PUM1: variants seen among roughly 807,000 people sequenced by gnomAD.
PUM1 encodes the protein pumilio RNA binding family member 1.
In PUM1, 13 loss-of-function variants were observed where a neutral mutation model predicts 131.8. The ratio of observed to expected loss-of-function variants is 0.10; its 90% confidence interval spans 0.06 to 0.16. The LOEUF is 0.16. PUM1 is among the 10% of genes least tolerant of loss of function. PUM1 has a pLI of 1.00. For synonymous variants in PUM1, 509 were observed against 556.5 expected (o/e 0.91, Z 1.20); for missense variants, 961 against 1,512.4 (o/e 0.64, Z 6.05).
intron 9 of PUM1, among the ~76,000 whole-genome samples, chr1:30,975,799 C>A (rs1192246124): frequency 1.3e-5 from 2 of 151,928 alleles, no homozygotes; most frequent in Non-Finnish European, 2.9e-5. Context: ...CTGTTGAGAA[C>A]CTTAAACAAA....
chr1:30,941,010 T>C, intron 20 of PUM1, 141 bp downstream of exon 20: 1 of 1,007,582 alleles, frequency 9.9e-7, no homozygotes, highest in East Asian at 2.7e-5. Context: ...TTATACTTTG[T>C]AATAAAACTA....
intron 2 of PUM1, among the ~76,000 whole-genome samples, chr1:31,041,723 T>C (rs988288968): frequency 6.6e-6 from 1 of 152,192 alleles, no homozygotes; most frequent in Non-Finnish European, 1.5e-5. Context: ...TGAGTAAAAG[T>C]GTCCTGAGGC....
chr1:31,004,074 GC>G (rs1268241128), intron 5 of PUM1, among the ~76,000 whole-genome samples: 2 of 152,106 alleles, frequency 1.3e-5, no homozygotes, highest in Non-Finnish European at 2.9e-5. Flanking sequence ...CATCTATCTA[GC>G]CTGAAGTCTT....
intron 2 of PUM1, among the ~76,000 whole-genome samples, chr1:31,042,336 A>T (rs1044446649): frequency 2.6e-5 from 3 of 116,220 alleles, no homozygotes; most frequent in Non-Finnish European, 3.5e-5. Flanking sequence ...ATAAATAAAT[A>T]AAATAAAATA....
intron 2 of PUM1, among the ~76,000 whole-genome samples, chr1:31,031,287 C>T (rs950973919): frequency 3.3e-5 from 5 of 152,154 alleles, no homozygotes; most frequent in African/African-American, 1.2e-4. Context: ...CTAGACATTT[C>T]TTGGAAATCC....
chr1:31,059,193 C>G lies in PUM1; in HGVS notation c.363+11G>C, dbSNP rs772553621. 6.5e-7 allele frequency: 1 copy of G among 1,543,156 alleles called. No homozygotes were observed. Among genetic ancestry groups the G allele is most frequent in the Non-Finnish European group, 8.7e-7 (1 of 1,144,424 alleles). ...GGAATGTCAAAGCTAAAATAGTGAA[C>G]TTTTTTTTACCTGATGTTCTGCATG... On this transcript the variant is annotated intron_variant, in intron 2 of 21. Transcript: ENST00000426105.
chr1:30,939,759 G>T (rs1255654990), intron 20 of PUM1, among the ~76,000 whole-genome samples: 1 of 152,202 alleles, frequency 6.6e-6, no homozygotes, highest in Non-Finnish European at 1.5e-5. Context: ...TTAGGAGGTT[G>T]AGGTGGGAGG....
chr1:30,986,552 TA>T (rs879916221), intron 7 of PUM1, among the ~76,000 whole-genome samples: 159 of 143,320 alleles, frequency 1.1e-3, no homozygotes, highest in Middle Eastern at 3.6e-3. Flanking sequence ...GCTGCTAAAC[TA>T]AAAAAAAAAA....
Position 30,933,183 on chromosome 1 carries a change from G to A in PUM1, c.*28C>T, listed in dbSNP as rs746201825. On this transcript the variant is annotated 3_prime_UTR_variant, in exon 22 of 22. Coordinates refer to ENST00000426105, the MANE Select transcript of PUM1 (RefSeq NM_001020658.2). Reference sequence around the variant, plus strand: ...GCCAGTGGGCCAGTGAGGTCAGCGGGAATGAGGGAACAGCGGGTGACACTG... The same window carrying A: ...GCCAGTGGGCCAGTGAGGTCAGCGGAAATGAGGGAACAGCGGGTGACACTG... 1.3e-6 allele frequency: 2 copies of A among 1,597,670 alleles called. No homozygotes were observed. The highest frequency in any genetic ancestry group is 1.7e-6 in the Non-Finnish European group (2 of 1,171,348).
At chr1:30,976,114 T>C (rs1021648235) in intron 9 of PUM1, among the ~76,000 whole-genome samples, 2 of 150,518 alleles carry the variant, frequency 1.3e-5, no homozygotes, top group Non-Finnish European at 3.0e-5. Context: ...AAATTAAGCA[T>C]TCTGCTTTAA....
intron 10 of PUM1, chr1:30,973,224 T>A (rs368200818): frequency 0.29 from 42,122 of 146,592 alleles, 6,355 homozygotes; most frequent in Non-Finnish European, 0.34. Context: ...TCAAGACCTG[T>A]TTTTTTTTTC....
At chr1:30,980,883 T>C (rs1322925321) in intron 8 of PUM1, among the ~76,000 whole-genome samples, 25 of 152,224 alleles carry the variant, frequency 1.6e-4, no homozygotes, top group Admixed American at 1.6e-3. Flanking sequence ...TCGGTAATTA[T>C]ATGAGAATAC....
At chr1:30,982,865 C>T (rs1641405082) in intron 7 of PUM1, among the ~76,000 whole-genome samples, 1 of 152,186 alleles carries the variant, frequency 6.6e-6, no homozygotes, top group African/African-American at 2.4e-5. Context: ...GTCTTAGTCT[C>T]TGCTTTTGGA....
rs1021408765 is a variant in PUM1 at position 30,980,130 on chromosome 1, T to G, written c.1286A>C (p.Tyr429Ser). The change falls in exon 9 of 22, where the codon TAC becomes TCC. Residue 429 changes from tyrosine to serine, a missense_variant. This residue lies in a region of PUM1 where 654 missense variants were observed against 923.9 expected (regional missense o/e 0.71). Coordinates refer to ENST00000426105, the MANE Select transcript of PUM1 (RefSeq NM_001020658.2). ...LAPAAFVPNP[Y>S]IISAAPPGTD... The stretch of plus-strand genomic sequence containing the variant: ...CCCTGGGGGAGCAGCGCTGATGATG[T>G]ATGGATTGGGGACAAACGCAGCGGG... 2 of 1,613,930 alleles carry G rather than the reference T, an allele frequency of 1.2e-6. No individual in the cohort carries two copies. Among genetic ancestry groups the G allele is most frequent in the Non-Finnish European group, 1.7e-6 (2 of 1,179,998 alleles).
At position 30,945,482 on chromosome 1, in the gene PUM1, T is replaced by C; in HGVS notation, c.2858A>G (p.Asn953Ser). Residue 953 changes from asparagine to serine, a missense_variant and splice_region_variant, in exon 18 of 22, where the codon AAT (asparagine) becomes AGT (serine). Asn to Ser is a conservative substitution (Grantham distance 46). Around this residue, in one of 4 missense-constraint regions of PUM1, gnomAD observed 178 missense variants for 327.5 expected, o/e 0.54. Coordinates refer to ENST00000426105, the MANE Select transcript of PUM1 (RefSeq NM_001020658.2). ...EFIPSDQQVI[N>S]EMVRELDGHV... ...GCCATCTAGTTCCCGAACCATCTCA[T>C]TCTAATGGAGACAAAGAAAGCACCA... 4 of 1,614,050 alleles carry C rather than the reference T, an allele frequency of 2.5e-6. No individual in the cohort carries two copies. Among genetic ancestry groups the C allele is most frequent in the Non-Finnish European group, 3.4e-6 (4 of 1,180,012 alleles).
rs35507851 is a variant in PUM1 at position 31,038,984 on chromosome 1, A to ATTTTTTTT, written c.364-10128_364-10121dup. ...TATATATATATATATATATATATAT[A>ATTTTTTTT]TTTTTTTTTTTTTTTTCCTTTTCTC... On this transcript the variant is annotated intron_variant, in intron 2 of 21. Coordinates refer to ENST00000426105, the MANE Select transcript of PUM1 (RefSeq NM_001020658.2). Among the ~76,000 whole-genome samples the ATTTTTTTT allele has an allele frequency of 4.2e-4, 21 of 49,416 alleles. 1 individual carries two copies. The highest frequency in any genetic ancestry group is 1.6e-3 in the South Asian group (2 of 1,220). The allele number at this position is 49,416 out of a possible 152,430, so 32.4% of individuals were successfully genotyped here. A position where few individuals can be genotyped will look rare whatever the true frequency, so the allele number is the denominator to read the frequency against.
At chr1:30,975,075 G>A (rs986009169) in intron 9 of PUM1, among the ~76,000 whole-genome samples, 1 of 152,096 alleles carries the variant, frequency 6.6e-6, no homozygotes, top group South Asian at 2.1e-4. Context: ...CTGATAGAAG[G>A]GGTTCAATTT....
intron 21 of PUM1, among the ~76,000 whole-genome samples, chr1:30,934,515 G>A (rs879859787): frequency 1.3e-5 from 2 of 152,164 alleles, no homozygotes; most frequent in African/African-American, 2.4e-5. Flanking sequence ...GAGCTGCATC[G>A]GGTGTCACAT....
At chr1:30,972,052 C>G (rs1204353467) in intron 10 of PUM1, among the ~76,000 whole-genome samples, 1 of 151,300 alleles carries the variant, frequency 6.6e-6, no homozygotes, top group African/African-American at 2.4e-5. Flanking sequence ...GTCAGGAGTT[C>G]GAGATCAGCC....
Sources: allele counts gnomAD v4.1 joint callset (sites outside exome capture counted in the v4.1 genomes callset), GRCh38; gene constraint gnomAD v4.1.1; regional missense constraint gnomAD v4.1.1; transcripts MANE v1.5; gene names NCBI Gene and HGNC (gene_info 2026-07-23, HGNC 2026-07-21).